UGT8: variants seen among roughly 807,000 people sequenced by gnomAD.
UGT8 encodes UDP glycosyltransferase 8, also known as 2-hydroxyacylsphingosine 1-beta-galactosyltransferase.
Under a neutral mutation model 40.5 loss-of-function variants are expected in UGT8, and 12 were observed. The observed-to-expected ratio is 0.30, with a 90% CI of 0.19 to 0.48. UGT8 has a LOEUF of 0.48. UGT8 is among the 20% of genes least tolerant of loss of function. The pLI is 0.99. For missense variants in UGT8, 513 were observed against 648.7 expected, an observed-to-expected ratio of 0.79 and a Z score of 2.27; for synonymous variants, 224 against 240.4, an observed-to-expected ratio of 0.93 and a Z score of 0.63.
chr4:114,625,110 C>T (rs888333321), intron 2 of UGT8, among the ~76,000 whole-genome samples: 3 of 152,166 alleles, frequency 2.0e-5, no homozygotes, highest in Admixed American at 6.5e-5. Flanking sequence ...CTTGTTCTCT[C>T]TAGGTCATCA....
intron 2 of UGT8, among the ~76,000 whole-genome samples, chr4:114,655,815 A>G (rs2126126110): frequency 6.6e-6 from 1 of 152,170 alleles, no homozygotes; most frequent in East Asian, 1.9e-4. Context: ...AGCCACTAAT[A>G]ATGTCCTTAA....
At chr4:114,614,173 T>C (rs932929310) in intron 1 of UGT8, among the ~76,000 whole-genome samples, 1 of 152,204 alleles carries the variant, frequency 6.6e-6, no homozygotes, top group African/African-American at 2.4e-5. Context: ...TAACTGCAGA[T>C]ACTTGTGTTG....
Position 114,623,034 on chromosome 4 carries a change from A to T in UGT8, c.154A>T (p.Thr52Ser), listed in dbSNP as rs770216585. ...ASALHERGHHTVFLLSEGRDI... is the reference protein window; with the variant it reads ...ASALHERGHHSVFLLSEGRDI... ...AGCCTTGCACGAGAGAGGCCACCAT[A>T]CAGTGTTCCTCCTCTCTGAAGGCAG... The change falls in exon 2 of 6, where the codon ACA (threonine) becomes TCA (serine). Residue 52 changes from threonine (T) to serine (S), a missense_variant. By Grantham distance (58) the Thr-to-Ser change is moderately conservative. Coordinates refer to ENST00000310836, the MANE Select transcript of UGT8 (RefSeq NM_001128174.3). The T allele has an allele frequency of 6.2e-7, 1 of 1,614,132 alleles. No individual in the cohort carries two copies.
chr4:114,672,278 A>G (rs1003705459), intron 5 of UGT8, among the ~76,000 whole-genome samples: 1 of 152,222 alleles, frequency 6.6e-6, no homozygotes, highest in Non-Finnish European at 1.5e-5. Context: ...TCAAGGATCT[A>G]GAACCAGAAG....
chr4:114,667,893 C>A, intron 4 of UGT8, 192 bp from the exon 5 acceptor site: 1 of 955,928 alleles, frequency 1.0e-6, no homozygotes, highest in Non-Finnish European at 1.2e-6. Flanking sequence ...ATTGATATAT[C>A]AAAATCTGAC....
intron 1 of UGT8, among the ~76,000 whole-genome samples, chr4:114,614,096 A>G (rs1731248485): frequency 6.6e-6 from 1 of 152,308 alleles, no homozygotes; most frequent in African/African-American, 2.4e-5. Flanking sequence ...GCTATCACTG[A>G]TAAGCGAATA....
At chr4:114,624,262 G>A (rs1732045571) in intron 2 of UGT8, among the ~76,000 whole-genome samples, 1 of 152,136 alleles carries the variant, frequency 6.6e-6, no homozygotes, top group South Asian at 2.1e-4. Flanking sequence ...ATGCTCTATT[G>A]CAATTTCATT....
intron 2 of UGT8, among the ~76,000 whole-genome samples, chr4:114,650,291 A>G (rs933789935): frequency 1.3e-5 from 2 of 152,216 alleles, no homozygotes; most frequent in African/African-American, 4.8e-5. Flanking sequence ...AGCACTTATT[A>G]AAGAATTTTT....
intron 2 of UGT8, chr4:114,656,643 C>G (rs1734203571): frequency 3.1e-6 from 1 of 325,328 alleles, no homozygotes. Context: ...TGGTAGGTGC[C>G]CTGTTGAAAG....
intron 1 of UGT8, among the ~76,000 whole-genome samples, chr4:114,618,088 G>A (rs1292176003): frequency 6.6e-6 from 1 of 151,822 alleles, no homozygotes; most frequent in Non-Finnish European, 1.5e-5. Context: ...TCTTCTTAGT[G>A]TTATGTTACA....
chr4:114,600,154 G>A (rs541894902), intron 1 of UGT8, among the ~76,000 whole-genome samples: 2 of 152,156 alleles, frequency 1.3e-5, no homozygotes, highest in African/African-American at 2.4e-5. Context: ...AGTGGGTGGC[G>A]GTATCAAACC....
At chr4:114,645,296 A>C (rs1209935129) in intron 2 of UGT8, among the ~76,000 whole-genome samples, 1 of 152,192 alleles carries the variant, frequency 6.6e-6, no homozygotes, top group Non-Finnish European at 1.5e-5. Context: ...TGTAGTGTTG[A>C]GTTCTTTACA....
rs528634311 is a variant in UGT8 at position 114,623,084 on chromosome 4, C to T, written c.204C>T (p.Tyr68=). 1.2e-6 allele frequency: 2 copies of T among 1,614,170 alleles called. No individual in the cohort carries two copies. Among genetic ancestry groups the T allele is most frequent in the East Asian group, 4.5e-5 (2 of 44,872 alleles). Reference sequence around the variant, plus strand: ...GAGACATCGCCCCATCTAATCATTACAGCCTCCAGCGCTACCCAGGGATCT... The same window carrying T: ...GAGACATCGCCCCATCTAATCATTATAGCCTCCAGCGCTACCCAGGGATCT... The part of the protein sequence containing the change: ...EGRDIAPSNH[Y]SLQRYPGIFN... The change falls in exon 2 of 6, where the codon TAC becomes TAT. Residue 68 remains tyrosine (Y), a synonymous_variant. Transcript: ENST00000310836.
At chr4:114,655,139 AT>A (rs142668214) in intron 2 of UGT8, among the ~76,000 whole-genome samples, 3,202 of 152,034 alleles carry the variant, frequency 0.021, 58 homozygotes, top group Non-Finnish European at 0.032. Flanking sequence ...GGAAGTTTAA[AT>A]TTAAAAATAA....
At position 114,623,678 on chromosome 4, in the gene UGT8, C is replaced by G. The variant is rs755616034; in HGVS notation, c.798C>G (p.Thr266=). Reference sequence around the variant, plus strand: ...TTGTTTATGTAGGAGGAATCCTAACCAAACCAGCCAGCCCACTACCAGAAG... The same window carrying G: ...TTGTTTATGTAGGAGGAATCCTAACGAAACCAGCCAGCCCACTACCAGAAG... The part of the protein sequence containing the change: ...PNVVYVGGIL[T]KPASPLPEDL... The change falls in exon 2 of 6, where the codon ACC becomes ACG. Residue 266 remains threonine, a synonymous_variant. Transcript: ENST00000310836. 1.3e-6 allele frequency: 2 copies of G among 1,598,892 alleles called. No individual in the cohort carries two copies. The highest frequency in any genetic ancestry group is 1.7e-5 in the Admixed American group (1 of 59,682).
Position 114,677,518 on chromosome 4 carries a change from G to T in UGT8, c.*1230G>T, listed in dbSNP as rs1427922807. 1.3e-5 allele frequency: 2 copies of T among 152,368 alleles called. No individual in the cohort carries two copies. The highest frequency in any genetic ancestry group is 2.9e-5 in the Non-Finnish European group (2 of 68,068). 9.4% of individuals were successfully genotyped at this position (152,368 alleles called of 1,614,324 possible). On this transcript the variant is annotated 3_prime_UTR_variant, in exon 6 of 6. Transcript: ENST00000310836. ...TCCTGTCATCTTCCTCATTCACTCA[G>T]CCCTCACCCCAGCAGCCTTTTCCGG...
chr4:114,628,986 T>C (rs1007422028), intron 2 of UGT8, among the ~76,000 whole-genome samples: 4 of 151,740 alleles, frequency 2.6e-5, no homozygotes, highest in Admixed American at 1.3e-4. Flanking sequence ...CTGATTAACA[T>C]AGAAGCCATT....
chr4:114,633,025 C>A (rs1025479321), intron 2 of UGT8, among the ~76,000 whole-genome samples: 1 of 152,054 alleles, frequency 6.6e-6, no homozygotes, highest in Non-Finnish European at 1.5e-5. Flanking sequence ...ACAGATAAAC[C>A]GACTTGACTT....
intron 2 of UGT8, among the ~76,000 whole-genome samples, chr4:114,662,156 T>C (rs1485461241): frequency 2.0e-5 from 3 of 152,202 alleles, no homozygotes; most frequent in Non-Finnish European, 4.4e-5. Context: ...AAAACTATCA[T>C]AAGTTGAAAA....
Sources: allele counts gnomAD v4.1 joint callset (sites outside exome capture counted in the v4.1 genomes callset), GRCh38; gene constraint gnomAD v4.1.1; transcripts MANE v1.5; gene names NCBI Gene and HGNC (gene_info 2026-07-23, HGNC 2026-07-21).